Variants in FBXL7 observed in about 807,000 individuals in gnomAD.
The protein encoded by FBXL7 is F-box/LRR-repeat protein 7.
FBXL7 carries 12 observed loss-of-function variants against 38.3 expected under a neutral mutation model. That is an observed-to-expected ratio of 0.31 (90% CI 0.20 to 0.51). The LOEUF (loss-of-function observed/expected upper bound fraction) is 0.51. Ranked by LOEUF, FBXL7 falls within the 20% of genes least tolerant of loss-of-function variation. The pLI is 0.98. For missense variants in FBXL7, 567 were observed against 676.4 expected, an observed-to-expected ratio of 0.84 and a Z score of 1.79; for synonymous variants, 297 against 300.9, an observed-to-expected ratio of 0.99 and a Z score of 0.13.
chr5:15,710,097 A>G (rs1259841950), intron 2 of FBXL7, among the ~76,000 whole-genome samples: 1 of 152,080 alleles, frequency 6.6e-6, no homozygotes, highest in Admixed American at 6.6e-5. Flanking sequence ...CCTTTTCTCA[A>G]CATAGCAAGC....
At chr5:15,887,376 G>A (rs1295007207) in intron 2 of FBXL7, among the ~76,000 whole-genome samples, 1 of 152,174 alleles carries the variant, frequency 6.6e-6, no homozygotes, top group East Asian at 1.9e-4. Flanking sequence ...GCAAGCAGGA[G>A]AATGGATGAT....
chr5:15,891,552 G>A (rs1429505533), intron 2 of FBXL7, among the ~76,000 whole-genome samples: 3 of 152,210 alleles, frequency 2.0e-5, no homozygotes, highest in African/African-American at 4.8e-5. Flanking sequence ...TGAGCTTACA[G>A]TCTAGTAGAG....
At chr5:15,504,218 C>T (rs1284354100) in intron 1 of FBXL7, among the ~76,000 whole-genome samples, 4 of 152,208 alleles carry the variant, frequency 2.6e-5, no homozygotes, top group African/African-American at 9.6e-5. Context: ...AATTTCTTGA[C>T]ATTACTTGTT....
chr5:15,835,643 G>A (rs933665636), intron 2 of FBXL7, among the ~76,000 whole-genome samples: 2 of 152,094 alleles, frequency 1.3e-5, no homozygotes, highest in Admixed American at 1.3e-4. Context: ...TGAGAGTCAC[G>A]CAGTATAGAA....
intron 2 of FBXL7, among the ~76,000 whole-genome samples, chr5:15,851,993 C>A (rs191958804): frequency 6.6e-6 from 1 of 152,042 alleles, no homozygotes; most frequent in Non-Finnish European, 1.5e-5. Context: ...CACAAACCTC[C>A]AAGCAGGAAC....
intron 2 of FBXL7, among the ~76,000 whole-genome samples, chr5:15,736,671 A>C (rs185777840): frequency 1.3e-5 from 2 of 152,190 alleles, no homozygotes; most frequent in Non-Finnish European, 2.9e-5. Context: ...TAGGAAAACA[A>C]TTCTACCAGT....
intron 1 of FBXL7, among the ~76,000 whole-genome samples, chr5:15,537,049 G>T (rs942008150): frequency 6.6e-6 from 1 of 152,282 alleles, no homozygotes; most frequent in East Asian, 1.9e-4. Flanking sequence ...CCCTCCTGCT[G>T]CCTTGTAAGT....
At chr5:15,631,667 C>CAAAA (rs754975686) in intron 2 of FBXL7, among the ~76,000 whole-genome samples, 3 of 43,926 alleles carry the variant, frequency 6.8e-5, no homozygotes, top group African/African-American at 8.8e-5. Flanking sequence ...AGCGAGACTC[C>CAAAA]AAAAAAAAAA....
intron 2 of FBXL7, among the ~76,000 whole-genome samples, chr5:15,632,008 T>C (rs1033636696): frequency 2.0e-5 from 3 of 152,180 alleles, no homozygotes; most frequent in African/African-American, 7.2e-5. Flanking sequence ...AGAGTTACCC[T>C]AAAGCTAAAG....
chr5:15,638,548 C>T (rs1741258958), intron 2 of FBXL7, among the ~76,000 whole-genome samples: 1 of 151,548 alleles, frequency 6.6e-6, no homozygotes, highest in Non-Finnish European at 1.5e-5. Flanking sequence ...TGAGCCATTG[C>T]ATAATTCCAG....
chr5:15,742,750 C>T (rs1053835890), intron 2 of FBXL7, among the ~76,000 whole-genome samples: 1 of 152,156 alleles, frequency 6.6e-6, no homozygotes, highest in Non-Finnish European at 1.5e-5. Context: ...CATTCCCACA[C>T]TGCTAATAAA....
chr5:15,522,086 A>G (rs1477476038), intron 1 of FBXL7, among the ~76,000 whole-genome samples: 1 of 152,236 alleles, frequency 6.6e-6, no homozygotes, highest in Non-Finnish European at 1.5e-5. Context: ...CCCCATGGGA[A>G]TGCCTAAATG....
chr5:15,777,567 ATAT>A (rs1406383735), intron 2 of FBXL7, among the ~76,000 whole-genome samples: 3 of 151,890 alleles, frequency 2.0e-5, no homozygotes, highest in Non-Finnish European at 4.4e-5. Context: ...GACTTATAAA[ATAT>A]TATCCACATG....
At chr5:15,748,514 C>T (rs1460252361) in intron 2 of FBXL7, among the ~76,000 whole-genome samples, 2 of 152,134 alleles carry the variant, frequency 1.3e-5, no homozygotes, top group East Asian at 1.9e-4. Context: ...AATGGGAGTT[C>T]CCCTACATAA....
intron 1 of FBXL7, among the ~76,000 whole-genome samples, chr5:15,604,162 G>C (rs1478259525): frequency 6.6e-6 from 1 of 152,012 alleles, no homozygotes; most frequent in Non-Finnish European, 1.5e-5. Context: ...GTGATACTCT[G>C]TCTCCAAAAA....
At chr5:15,505,362 C>G (rs1736615527) in intron 1 of FBXL7, among the ~76,000 whole-genome samples, 1 of 152,056 alleles carries the variant, frequency 6.6e-6, no homozygotes, top group African/African-American at 2.4e-5. Context: ...TGAATGGGGA[C>G]CCGGGGCCAG....
intron 2 of FBXL7, among the ~76,000 whole-genome samples, chr5:15,650,030 C>A (rs574350248): frequency 6.6e-6 from 1 of 152,092 alleles, no homozygotes; most frequent in Admixed American, 6.5e-5. Context: ...GTAATAGAGC[C>A]GCACTAAAAG....
intron 2 of FBXL7, among the ~76,000 whole-genome samples, chr5:15,772,897 C>T (rs1209705749): frequency 1.4e-5 from 2 of 145,034 alleles, no homozygotes; most frequent in South Asian, 2.2e-4. Flanking sequence ...AATTGTGAGA[C>T]TTTGTTTTTT....
At position 15,936,439 on chromosome 5, in the gene FBXL7, T is replaced by G; in HGVS notation, c.740-11T>G. On this transcript the variant is annotated splice_polypyrimidine_tract_variant and intron_variant, in intron 3 of 3. Coordinates refer to ENST00000504595, the MANE Select transcript of FBXL7 (RefSeq NM_012304.5). This position sits in a 1 kb window ranked among gnomAD's most constrained non-coding sequence, Gnocchi z 6.0. ...GGTTGCTCTGAGCCTGTGTTCTGTC[T>G]CTTTGTGCAGGATGCTCCAAAGTGA... is the stretch of plus-strand genomic sequence containing the variant. 1 of 1,609,334 alleles carries G rather than the reference T, an allele frequency of 6.2e-7. No individual in the cohort carries two copies. Among genetic ancestry groups the G allele is most frequent in the Non-Finnish European group, 8.5e-7 (1 of 1,177,978 alleles).
Sources: allele counts gnomAD v4.1 joint callset (sites outside exome capture counted in the v4.1 genomes callset), GRCh38; gene constraint gnomAD v4.1.1; non-coding constraint Gnocchi (gnomAD v3.1); transcripts MANE v1.5; gene names NCBI Gene and HGNC (gene_info 2026-07-23, HGNC 2026-07-21).